Variants in SEC23A observed in about 807,000 individuals in gnomAD.
The protein encoded by SEC23A is SEC23 homolog A, COPII component.
In SEC23A, 56 loss-of-function variants were observed where a neutral mutation model predicts 103.7. That is an observed-to-expected ratio of 0.54 (90% CI 0.44 to 0.67). The LOEUF (loss-of-function observed/expected upper bound fraction) is 0.67. Among genes scored for constraint, SEC23A ranks in the 30% least tolerant of loss-of-function variants. The pLI is 0.00. For synonymous variants in SEC23A, 281 were observed against 293.0 expected (o/e 0.96, Z 0.42); for missense variants, 784 against 936.4 (o/e 0.84, Z 2.12).
intron 14 of SEC23A, among the ~76,000 whole-genome samples, chr14:39,048,941 G>A (rs1413309066): frequency 1.3e-5 from 2 of 152,106 alleles, no homozygotes; most frequent in African/African-American, 4.8e-5. Context: ...TTGTCCCAAT[G>A]TAATTAATAA....
chr14:39,090,677 A>G (rs1887629724), intron 5 of SEC23A, among the ~76,000 whole-genome samples: 1 of 152,308 alleles, frequency 6.6e-6, no homozygotes, highest in Middle Eastern at 3.4e-3. Flanking sequence ...GAGGAAGCCA[A>G]GACCACACTG....
intron 18 of SEC23A, chr14:39,040,270 T>C (rs1371858357): frequency 6.0e-6 from 1 of 167,438 alleles, no homozygotes; most frequent in Non-Finnish European, 1.3e-5. Context: ...AACCTTTTCA[T>C]AATACTACAG....
Position 39,048,676 on chromosome 14 carries a change from T to C in SEC23A, c.1713A>G (p.Ser571=). The C allele has an allele frequency of 2.5e-6, 4 of 1,595,200 alleles. No individual in the cohort carries two copies. Among genetic ancestry groups the C allele is most frequent in the Non-Finnish European group, 3.4e-6 (4 of 1,162,878 alleles). Residue 571 remains serine (S), a synonymous_variant, in exon 15 of 20, where the codon TCA becomes TCG. Transcript: ENST00000307712. ...HKDDPSSFRF[S]ETFSLYPQFM... ...CCTGTGGATAAAGGGAGAAAGTTTC[T>C]GAAAATCTGAAGGAACTTGGGTCAT...
At chr14:39,073,959 G>C (rs1300300435) in intron 9 of SEC23A, among the ~76,000 whole-genome samples, 1 of 152,078 alleles carries the variant, frequency 6.6e-6, no homozygotes, top group African/African-American at 2.4e-5. Flanking sequence ...AGCTGTCTAA[G>C]GATGAGAGGG....
chr14:39,098,595 T>G (rs1221937156), intron 1 of SEC23A, among the ~76,000 whole-genome samples: 1 of 151,782 alleles, frequency 6.6e-6, no homozygotes, highest in African/African-American at 2.4e-5. Flanking sequence ...GCCAACATGG[T>G]GAAACCCCAT....
chr14:39,058,877 A>C (rs1886347997), intron 13 of SEC23A, among the ~76,000 whole-genome samples: 1 of 152,180 alleles, frequency 6.6e-6, no homozygotes, highest in African/African-American at 2.4e-5. Context: ...CACTGTTTGA[A>C]TCAATACTTT....
chr14:39,079,650 G>C (rs150883690), intron 7 of SEC23A, among the ~76,000 whole-genome samples: 1,774 of 152,080 alleles, frequency 0.012, 19 homozygotes, highest in Non-Finnish European at 0.02. Context: ...GTGAAACCCT[G>C]TCTCTACTAA....
At chr14:39,045,351 GT>G in intron 15 of SEC23A, 27 bp from the exon 16 acceptor site, 1 of 1,564,896 alleles carries the variant, frequency 6.4e-7, no homozygotes, top group Non-Finnish European at 8.8e-7. Context: ...TAAGATAGTT[GT>G]TACTGATTTT....
In SEC23A at chr14:39,094,338, A is replaced by G. The variant is rs184619149; in HGVS notation, c.222-1094T>C. On this transcript the variant is annotated intron_variant, in intron 2 of 19. Coordinates refer to ENST00000307712, the MANE Select transcript of SEC23A (RefSeq NM_006364.4). Reference sequence around the variant, plus strand: ...TATATGCATATATACACATATACACATATATATGCATATATACACATATAC... The same window carrying G: ...TATATGCATATATACACATATACACGTATATATGCATATATACACATATAC... Among the ~76,000 whole-genome samples, 12 of 75,750 alleles carry G rather than the reference A, an allele frequency of 1.6e-4. 2 individuals carry two copies. Among genetic ancestry groups the G allele is most frequent in the Admixed American group, 5.9e-4 (4 of 6,782 alleles). The allele number at this position is 75,750 out of a possible 152,430, so 49.7% of individuals were successfully genotyped here. A position where few individuals can be genotyped will look rare whatever the true frequency, so the allele number is the denominator to read the frequency against.
intron 9 of SEC23A, among the ~76,000 whole-genome samples, chr14:39,069,753 C>T (rs1886781943): frequency 6.6e-6 from 1 of 152,132 alleles, no homozygotes; most frequent in South Asian, 2.1e-4. Context: ...TGAGCCACAG[C>T]GCCTGGCCCC....
At chr14:39,088,961 G>T (rs1321588479) in intron 5 of SEC23A, among the ~76,000 whole-genome samples, 1 of 151,988 alleles carries the variant, frequency 6.6e-6, no homozygotes, top group Non-Finnish European at 1.5e-5. Flanking sequence ...GAGGTCAGGA[G>T]ATCAAGACCA....
chr14:39,040,735 G>A lies in SEC23A; in HGVS notation c.2139C>T (p.Ser713=). 5 of 1,614,082 alleles carry A rather than the reference G, an allele frequency of 3.1e-6. No homozygotes were observed. Among genetic ancestry groups the A allele is most frequent in the Non-Finnish European group, 4.2e-6 (5 of 1,180,002 alleles). Residue 713 remains serine, a synonymous_variant, in exon 18 of 20, where the codon AGC becomes AGT. Transcript: ENST00000307712. The part of the protein sequence containing the change: ...PRYIDTEHGG[S]QARFLLSKVN... The stretch of plus-strand genomic sequence containing the variant: ...CAAACAAATTAACACTACTTACCTG[G>A]CTGCCTCCATGTTCAGTGTCAATGT...
At chr14:39,082,862 T>C (rs566292323) in intron 7 of SEC23A, among the ~76,000 whole-genome samples, 1 of 152,302 alleles carries the variant, frequency 6.6e-6, no homozygotes, top group East Asian at 1.9e-4. Context: ...ACCAAATAAC[T>C]GGTCTGAATC....
chr14:39,063,606 TA>T (rs1886552129), intron 11 of SEC23A, among the ~76,000 whole-genome samples, 193 bp from the exon 12 acceptor site: 1 of 152,064 alleles, frequency 6.6e-6, no homozygotes, highest in African/African-American at 2.4e-5. Flanking sequence ...TAATAAAAAA[TA>T]AAATAATTTT....
intron 10 of SEC23A, among the ~76,000 whole-genome samples, chr14:39,066,851 A>G (rs1886684309): frequency 6.6e-6 from 1 of 152,170 alleles, no homozygotes; most frequent in Non-Finnish European, 1.5e-5. Context: ...CGACAGAGGA[A>G]GACTCTGTCT....
Position 39,065,997 on chromosome 14 carries a change from CAAAAAAAAAAAAAAAAAAAA to C in SEC23A, c.1228-1024_1228-1005del, listed in dbSNP as rs59260008. On this transcript the variant is annotated intron_variant, in intron 10 of 19. Transcript: ENST00000307712. ...GGGCAATAAGAGCGAAACTCCATCT[CAAAAAAAAAAAAAAAAAAAA>C]AAAAAAAAAAAAAAAACTATAAGTC... Among the ~76,000 whole-genome samples the C allele has an allele frequency of 8.2e-4, 66 of 80,498 alleles. 1 individual carries two copies. The highest frequency in any genetic ancestry group is 3.4e-3 in the African/African-American group (65 of 19,124). The allele number at this position is 80,498 out of a possible 152,430, so 52.8% of individuals were successfully genotyped here.
intron 5 of SEC23A, chr14:39,091,087 G>T: frequency 2.4e-6 from 1 of 410,366 alleles, no homozygotes; most frequent in Non-Finnish European, 4.6e-6. Flanking sequence ...CATGGACTTT[G>T]GTCTTTTTGA....
chr14:39,055,977 AT>A (rs1886233063), intron 13 of SEC23A, among the ~76,000 whole-genome samples: 1 of 152,254 alleles, frequency 6.6e-6, no homozygotes, highest in Non-Finnish European at 1.5e-5. Context: ...AGGTTATGAG[AT>A]AAGCCTGTGC....
chr14:39,095,422 G>A (rs10431659), intron 2 of SEC23A, among the ~76,000 whole-genome samples: 539 of 151,796 alleles, frequency 3.6e-3, no homozygotes, highest in Non-Finnish European at 5.3e-3. Flanking sequence ...TCAGCCTCCC[G>A]AGTAGCTGGG....
Sources: gnomAD v4.1 joint callset for allele counts (sites outside exome capture counted in the v4.1 genomes callset) on GRCh38, gnomAD v4.1.1 for gene constraint, MANE v1.5 for transcripts, NCBI Gene and HGNC (gene_info 2026-07-23, HGNC 2026-07-21) for gene names.